Variants in LINC00305 observed in about 807,000 individuals in gnomAD.
LINC00305 encodes the protein long independently transcribed non-coding RNA 305.
At chr18:64,110,845 C>A (rs2051311982) in intron 1 of LINC00305, among the ~76,000 whole-genome samples, 1 of 152,214 alleles carries the variant, frequency 6.6e-6, no homozygotes, top group Admixed American at 6.5e-5. Flanking sequence ...AAAAACTAAG[C>A]CGTTATTACC....
chr18:64,142,466 G>A (rs1568119525), intron 1 of LINC00305, among the ~76,000 whole-genome samples: 1 of 152,184 alleles, frequency 6.6e-6, no homozygotes, highest in East Asian at 1.9e-4. Context: ...AAGTAACAAA[G>A]TGATACAAAG....
chr18:64,119,109 C>T (rs1446090317), intron 1 of LINC00305, among the ~76,000 whole-genome samples: 3 of 151,974 alleles, frequency 2.0e-5, no homozygotes, highest in East Asian at 1.9e-4. Context: ...TGAAGAGCTA[C>T]GAATCACTTA....
At chr18:64,080,483 C>A in intron 3 of LINC00305, 3 of 244,334 alleles carry the variant, frequency 1.2e-5, no homozygotes, top group South Asian at 7.7e-5. Context: ...TTCATACATA[C>A]CTAAATTTAG....
intron 1 of LINC00305, among the ~76,000 whole-genome samples, chr18:64,116,363 T>C (rs1002415124): frequency 1.3e-5 from 2 of 152,244 alleles, no homozygotes; most frequent in Non-Finnish European, 2.9e-5. Flanking sequence ...GTAAAAATTA[T>C]GTTATGTTTG....
chr18:64,098,037 A>T, intron 2 of LINC00305: 1 of 456,250 alleles, frequency 2.2e-6, no homozygotes, highest in Non-Finnish European at 4.4e-6. Flanking sequence ...GGTGGCAACA[A>T]CTAACCAACA....
In LINC00305 at chr18:64,132,513, C is replaced by T. The variant is rs189121829; in HGVS notation, n.314+16262G>A. On this transcript the variant is annotated intron_variant and non_coding_transcript_variant, in intron 1 of 3. Transcript: ENST00000666468. ...TAAACCTTAGATAATTTCCACTCCC[C>T]CCCCGAGTAACTCATGGATACCATA... 4.6e-5 allele frequency among the ~76,000 whole-genome samples: 7 copies of T among 152,270 alleles called. No homozygotes were observed. In the East Asian group the frequency reaches 7.7e-4, roughly 17 times the overall value.
exon 4 of LINC00305, chr18:64,080,147 C>G (rs1052235700): frequency 5.2e-6 from 1 of 190,872 alleles, no homozygotes; most frequent in African/African-American, 2.4e-5. Context: ...TTTGCCACTT[C>G]CCTGCATGAG....
intron 1 of LINC00305, among the ~76,000 whole-genome samples, chr18:64,109,001 C>G (rs2051303896): frequency 6.6e-6 from 1 of 152,196 alleles, no homozygotes; most frequent in Admixed American, 6.5e-5. Flanking sequence ...CTGCCTAAAG[C>G]TCATCTAGAA....
intron 1 of LINC00305, among the ~76,000 whole-genome samples, chr18:64,146,935 A>G (rs1239857211): frequency 2.0e-5 from 3 of 152,190 alleles, no homozygotes; most frequent in African/African-American, 7.2e-5. Context: ...TCAGCTTCAC[A>G]TATTAGCAAG....
chr18:64,091,854 A>G (rs1399116951), intron 3 of LINC00305, among the ~76,000 whole-genome samples: 2 of 152,224 alleles, frequency 1.3e-5, no homozygotes, highest in East Asian at 3.8e-4. Context: ...ACACACACCT[A>G]CACAGTTTTC....
intron 1 of LINC00305, among the ~76,000 whole-genome samples, chr18:64,142,670 C>CTTA (rs2051469535): frequency 1.3e-5 from 2 of 152,104 alleles, no homozygotes; most frequent in African/African-American, 2.4e-5. Context: ...TACACCATGG[C>CTTA]CACCCGCGCC....
At chr18:64,098,098 G>T in intron 2 of LINC00305, 1 of 428,340 alleles carries the variant, frequency 2.3e-6, no homozygotes, top group Middle Eastern at 3.6e-4. Context: ...CAGAGGCAAA[G>T]TTCTCTGACC....
At chr18:64,081,159 A>G (rs555441211) in intron 3 of LINC00305, among the ~76,000 whole-genome samples, 1 of 152,196 alleles carries the variant, frequency 6.6e-6, no homozygotes, top group East Asian at 1.9e-4. Context: ...TTTTTTATAA[A>G]CTTCAAGCTT....
chr18:64,100,186 C>A (rs1321995567), intron 1 of LINC00305, among the ~76,000 whole-genome samples: 4 of 151,132 alleles, frequency 2.6e-5, no homozygotes, highest in Non-Finnish European at 4.4e-5. Context: ...TGACAGGATT[C>A]TTTTGCCTTA....
chr18:64,086,216 T>C (rs1321949361), intron 3 of LINC00305, among the ~76,000 whole-genome samples: 1 of 152,212 alleles, frequency 6.6e-6, no homozygotes, highest in Non-Finnish European at 1.5e-5. Flanking sequence ...ATAATAAATA[T>C]AACTATTCCT....
intron 1 of LINC00305, among the ~76,000 whole-genome samples, chr18:64,116,359 ATTATG>A (rs1362006683): frequency 1.3e-5 from 2 of 152,318 alleles, no homozygotes; most frequent in African/African-American, 2.4e-5. Flanking sequence ...ATTTGTAAAA[ATTATG>A]TTATGTTTGC....
chr18:64,121,502 T>C (rs1284159048), intron 1 of LINC00305, among the ~76,000 whole-genome samples: 1 of 152,122 alleles, frequency 6.6e-6, no homozygotes, highest in Non-Finnish European at 1.5e-5. Context: ...ATTCCATCCA[T>C]TGTGCTGCAA....
intron 1 of LINC00305, among the ~76,000 whole-genome samples, chr18:64,108,301 G>T (rs570848970): frequency 6.6e-6 from 1 of 152,194 alleles, no homozygotes; most frequent in African/African-American, 2.4e-5. Context: ...GGCTTGGGGT[G>T]CTTGGAAAAT....
chr18:64,096,282 G>T (rs923400448), intron 3 of LINC00305, among the ~76,000 whole-genome samples: 2 of 151,668 alleles, frequency 1.3e-5, no homozygotes, highest in Admixed American at 1.3e-4. Flanking sequence ...CAAATTTAAT[G>T]CAATTCCAAC....
Sources: gnomAD v4.1 joint callset for allele counts (sites outside exome capture counted in the v4.1 genomes callset) on GRCh38, gnomAD v4.1.1 for gene constraint, MANE v1.5 for transcripts, NCBI Gene and HGNC (gene_info 2026-07-23, HGNC 2026-07-21) for gene names.